Variants in HPGD observed in about 807,000 individuals in gnomAD.
The protein encoded by HPGD is 15-hydroxyprostaglandin dehydrogenase [NAD(+)].
In HPGD, 29 loss-of-function variants were observed where a neutral mutation model predicts 30.0. That is an observed-to-expected ratio of 0.97 (90% confidence interval 0.72 to 1.32). The LOEUF (loss-of-function observed/expected upper bound fraction) is 1.32, where lower values mean the gene tolerates loss of function less well. Among genes scored for constraint, HPGD ranks in the 40% most tolerant of loss-of-function variants. The probability of loss-of-function intolerance (pLI) is 0.00; values close to 1 mark genes in which losing one functional copy is unlikely to be tolerated. For synonymous variants in HPGD, 99 were observed against 112.4 expected (o/e 0.88, Z 0.75); for missense variants, 340 against 322.1 (o/e 1.06, Z -0.43).
chr4:174,517,921 A>G, intron 3 of HPGD, 50 bp downstream of exon 3: 1 of 970,484 alleles, frequency 1.0e-6, no homozygotes. Context: ...CTTTACAAAC[A>G]TCATGTTATT....
At chr4:174,493,073 A>G (rs1734417020) in intron 6 of HPGD, 78 bp downstream of exon 6, 6 of 1,311,618 alleles carry the variant, frequency 4.6e-6, no homozygotes, top group African/African-American at 1.5e-5. Context: ...GTATAAGCTT[A>G]TTTCTTCCCT....
In HPGD at chr4:174,498,891, A is replaced by C. The variant is rs1734772608; in HGVS notation, c.422-3267T>G. ...TTGAAAATGAAGCCTAAATGGAGGG[A>C]GAAAAGCTCTTGTTGTTTTATTATT... On this transcript the variant is annotated intron_variant, in intron 4 of 6. Coordinates refer to ENST00000296522, the MANE Select transcript of HPGD (RefSeq NM_000860.6). Among the ~76,000 whole-genome samples, 2 of 152,140 alleles carry C rather than the reference A, an allele frequency of 1.3e-5. 1 individual carries two copies. Among genetic ancestry groups the C allele is most frequent in the African/African-American group, 4.8e-5 (2 of 41,434 alleles).
intron 4 of HPGD, among the ~76,000 whole-genome samples, chr4:174,501,103 A>G (rs1036968872): frequency 6.6e-6 from 1 of 152,212 alleles, no homozygotes; most frequent in Non-Finnish European, 1.5e-5. Flanking sequence ...AATGCAAAGT[A>G]TAATGAAGTA....
intron 3 of HPGD, among the ~76,000 whole-genome samples, chr4:174,516,783 G>C (rs909586324): frequency 6.6e-6 from 1 of 152,200 alleles, no homozygotes; most frequent in African/African-American, 2.4e-5. Flanking sequence ...CTTTTGTGAA[G>C]AAGTGTCATC....
At chr4:174,514,955 A>T (rs1361449804) in intron 3 of HPGD, among the ~76,000 whole-genome samples, 8 of 152,192 alleles carry the variant, frequency 5.3e-5, no homozygotes, top group Admixed American at 5.2e-4. Context: ...AATACAGCTC[A>T]CCAGCAAGGT....
Position 174,490,343 on chromosome 4 carries a change from T to C in HPGD, c.*1613A>G. On this transcript the variant is annotated 3_prime_UTR_variant, in exon 7 of 7. Coordinates refer to ENST00000296522, the MANE Select transcript of HPGD (RefSeq NM_000860.6). This position sits in a 1 kb window ranked among gnomAD's most constrained non-coding sequence, Gnocchi z 4.4. ...ATTCTACTTGATATTTGATTTTAAA[T>C]GTCTACATAATTTATTGATTTGAAA... 6.6e-6 allele frequency: 1 copy of C among 152,320 alleles called. No individual in the cohort carries two copies. The highest frequency in any genetic ancestry group is 1.9e-4 in the East Asian group (1 of 5,324). The allele number at this position is 152,320 out of a possible 1,614,324, so 9.4% of individuals were successfully genotyped here. A position where few individuals can be genotyped will look rare whatever the true frequency, so the allele number is the denominator to read the frequency against.
chr4:174,522,491 C>CCATAGA, upstream of HPGD: 1 of 1,473,404 alleles, frequency 6.8e-7, no homozygotes, highest in Non-Finnish European at 9.1e-7. Flanking sequence ...GCGAGCTCCG[C>CCATAGA]GTCTCCGCGC....
At chr4:174,521,202 T>G (rs1736086666) in intron 2 of HPGD, among the ~76,000 whole-genome samples, 1 of 150,750 alleles carries the variant, frequency 6.6e-6, no homozygotes, top group Non-Finnish European at 1.5e-5. Context: ...ATTGGGGCAC[T>G]CTCAAGTTCT....
intron 4 of HPGD, 25 bp from the exon 5 acceptor site, chr4:174,495,649 A>G: frequency 6.5e-7 from 1 of 1,545,388 alleles, no homozygotes; most frequent in Non-Finnish European, 8.9e-7. Context: ...TATAACATTT[A>G]AATGCTTTGA....
intron 4 of HPGD, among the ~76,000 whole-genome samples, chr4:174,503,435 T>C (rs1043204396): frequency 6.6e-6 from 1 of 152,244 alleles, no homozygotes; most frequent in Non-Finnish European, 1.5e-5. Context: ...TAAATTGACC[T>C]CTATTGTAGA....
At position 174,493,268 on chromosome 4, in the gene HPGD, C is replaced by T. The variant is rs1734430439; in HGVS notation, c.545G>A (p.Cys182Tyr). The stretch of plus-strand genomic sequence containing the variant: ...GATGGCTGTGTTAACAAAGCCTGGA[C>T]AAATGGCATTCAGTCTCACACCACT... The part of the protein sequence containing the change: ...MNSGVRLNAI[C>Y]PGFVNTAILE... Residue 182 changes from cysteine (C) to tyrosine (Y), a missense_variant, in exon 6 of 7, where the codon TGT becomes TAT. Transcript: ENST00000296522. The T allele has an allele frequency of 6.2e-7, 1 of 1,613,248 alleles. No homozygotes were observed. The highest frequency in any genetic ancestry group is 1.3e-5 in the African/African-American group (1 of 74,950).
intron 4 of HPGD, among the ~76,000 whole-genome samples, chr4:174,499,210 G>A (rs990595189): frequency 2.6e-5 from 4 of 152,154 alleles, no homozygotes; most frequent in Admixed American, 2.6e-4. Context: ...GGTAGTTGGT[G>A]TAAACTGTGC....
chr4:174,516,092 C>T (rs1735756442), intron 3 of HPGD, among the ~76,000 whole-genome samples: 2 of 152,066 alleles, frequency 1.3e-5, no homozygotes, highest in Admixed American at 6.6e-5. Context: ...GAGCTTTTCT[C>T]GAAGAACTTA....
chr4:174,500,498 T>G (rs1734848809), intron 4 of HPGD, among the ~76,000 whole-genome samples: 3 of 152,248 alleles, frequency 2.0e-5, no homozygotes, highest in Admixed American at 2.0e-4. Context: ...AGCAACCTAG[T>G]GTCCTTTAGT....
In HPGD at chr4:174,492,150, C is replaced by A; in HGVS notation, c.663-56G>T. ...GAAAGAATGAGGCATATTACCACTT[C>A]ATTTTAAGTTATTTTCTGAAGAATC... On this transcript the variant is annotated intron_variant, in intron 6 of 6. Transcript: ENST00000296522. The surrounding 1 kb of genome is among the most constrained non-coding windows in gnomAD (Gnocchi z 4.9). The A allele has an allele frequency of 6.7e-7, 1 of 1,490,218 alleles. No individual in the cohort carries two copies. Among genetic ancestry groups the A allele is most frequent in the South Asian group, 1.1e-5 (1 of 88,266 alleles). The allele number at this position is 1,490,218 out of a possible 1,614,324, so 92.3% of individuals were successfully genotyped here.
At chr4:174,501,878 A>C (rs576496061) in intron 4 of HPGD, among the ~76,000 whole-genome samples, 18 of 152,326 alleles carry the variant, frequency 1.2e-4, no homozygotes, top group African/African-American at 4.1e-4. Context: ...TAATCATTTC[A>C]CAGAAGGTAA....
At chr4:174,516,804 CTA>C (rs1735796517) in intron 3 of HPGD, among the ~76,000 whole-genome samples, 1 of 152,148 alleles carries the variant, frequency 6.6e-6, no homozygotes, top group African/African-American at 2.4e-5. Flanking sequence ...CTCATTGCCT[CTA>C]TCAAGTTATT....
chr4:174,509,910 CA>C (rs565049366), intron 3 of HPGD, among the ~76,000 whole-genome samples: 24,609 of 120,108 alleles, frequency 0.2, 2,426 homozygotes, highest in Non-Finnish European at 0.28. Flanking sequence ...AAATCACTAC[CA>C]AAAAAAAAAA....
At chr4:174,515,740 A>G (rs1199695335) in intron 3 of HPGD, among the ~76,000 whole-genome samples, 1 of 152,184 alleles carries the variant, frequency 6.6e-6, no homozygotes, top group African/African-American at 2.4e-5. Flanking sequence ...AAGGTCTAAT[A>G]TACAGATTAT....
Sources: allele counts gnomAD v4.1 joint callset (sites outside exome capture counted in the v4.1 genomes callset), GRCh38; gene constraint gnomAD v4.1.1; non-coding constraint Gnocchi (gnomAD v3.1); transcripts MANE v1.5; gene names NCBI Gene and HGNC (gene_info 2026-07-23, HGNC 2026-07-21).